KCMF1: variants seen among roughly 807,000 people sequenced by gnomAD.
KCMF1 encodes the protein potassium channel modulatory factor 1, also known as E3 ubiquitin-protein ligase KCMF1.
In KCMF1, 3 loss-of-function variants were observed where a neutral mutation model predicts 41.1. The observed-to-expected ratio is 0.07, with a 90% CI of 0.03 to 0.19. KCMF1 has a LOEUF of 0.19. Ranked by LOEUF, KCMF1 falls within the 10% of genes least tolerant of loss-of-function variation. KCMF1 has a pLI of 1.00. For synonymous variants in KCMF1, 142 were observed against 164.5 expected, an observed-to-expected ratio of 0.86 and a Z score of 1.04; for missense variants, 286 against 488.9, an observed-to-expected ratio of 0.58 and a Z score of 3.91.
chr2:85,052,309 G>A (rs972789619), intron 6 of KCMF1, among the ~76,000 whole-genome samples: 2 of 152,154 alleles, frequency 1.3e-5, no homozygotes, highest in African/African-American at 4.8e-5. Flanking sequence ...GACCTCAGGT[G>A]ATCCGCCCGC....
intron 1 of KCMF1, among the ~76,000 whole-genome samples, chr2:85,018,457 ATG>A: frequency 6.6e-6 from 1 of 151,932 alleles, no homozygotes; most frequent in Non-Finnish European, 1.5e-5. Flanking sequence ...TTTAGTAGAG[ATG>A]GGGTTTTGCC....
chr2:84,976,389 T>C (rs1673545115), intron 1 of KCMF1, among the ~76,000 whole-genome samples: 1 of 151,906 alleles, frequency 6.6e-6, no homozygotes, highest in South Asian at 2.1e-4. Context: ...CTATTTTTAG[T>C]GGAGACAGGT....
intron 3 of KCMF1, among the ~76,000 whole-genome samples, chr2:85,038,461 C>A (rs1675451882): frequency 6.6e-6 from 1 of 152,240 alleles, no homozygotes; most frequent in Admixed American, 6.5e-5. Context: ...ATTCTCCAAG[C>A]AAAACTTGAA....
rs186602893 is a variant in KCMF1 at position 84,988,844 on chromosome 2, A to G, written c.16+17377A>G. ...CATAGCAAATGTGGCTTTGTAGGCC[A>G]CATGGTCTTGATTGCAGTTACTCTA... On this transcript the variant is annotated intron_variant, in intron 1 of 6. Transcript: ENST00000409785. Among the ~76,000 whole-genome samples the G allele has an allele frequency of 7.9e-5, 12 of 152,342 alleles. No individual in the cohort carries two copies. The East Asian group carries it at 2.3e-3, about 29-fold the overall frequency.
At chr2:85,038,989 G>A (rs1675464109) in intron 3 of KCMF1, among the ~76,000 whole-genome samples, 1 of 152,162 alleles carries the variant, frequency 6.6e-6, no homozygotes, top group Admixed American at 6.5e-5. Flanking sequence ...CAAAGTGTTG[G>A]GGTTACAGGC....
At chr2:85,044,899 C>T (rs542365003) in intron 4 of KCMF1, among the ~76,000 whole-genome samples, 5 of 152,316 alleles carry the variant, frequency 3.3e-5, no homozygotes, top group African/African-American at 1.2e-4. Flanking sequence ...CCTACCAGAG[C>T]GATTAATTTT....
At chr2:84,993,188 GAA>G (rs547127154) in intron 1 of KCMF1, among the ~76,000 whole-genome samples, 2 of 119,630 alleles carry the variant, frequency 1.7e-5, no homozygotes, top group Admixed American at 1.7e-4. Flanking sequence ...CCCTGTGTCA[GAA>G]AAAAAAAAAA....
intron 1 of KCMF1, among the ~76,000 whole-genome samples, chr2:84,987,562 A>G (rs573427414): frequency 6.6e-6 from 1 of 152,274 alleles, no homozygotes; most frequent in East Asian, 1.9e-4. Context: ...CTAGGAGGGG[A>G]GAGACAGGAA....
intron 1 of KCMF1, among the ~76,000 whole-genome samples, chr2:84,982,218 G>C (rs1381489701): frequency 2.6e-5 from 4 of 152,016 alleles, no homozygotes; most frequent in Admixed American, 1.3e-4. Flanking sequence ...CTATTGGGGT[G>C]AATAGCTGTA....
intron 2 of KCMF1, among the ~76,000 whole-genome samples, chr2:85,033,441 A>G (rs1291650176): frequency 1.3e-5 from 2 of 152,170 alleles, no homozygotes; most frequent in Non-Finnish European, 2.9e-5. Flanking sequence ...TTAGCTCACA[A>G]TTGTTGAGGC....
intron 1 of KCMF1, among the ~76,000 whole-genome samples, chr2:84,972,529 A>G (rs1402955665): frequency 1.3e-5 from 2 of 152,212 alleles, no homozygotes; most frequent in African/African-American, 2.4e-5. Context: ...TTGTCCTGCT[A>G]AGGTTAATAC....
chr2:84,997,823 A>T (rs11901911), intron 1 of KCMF1, among the ~76,000 whole-genome samples: 17,207 of 131,284 alleles, frequency 0.13, 1,470 homozygotes, highest in East Asian at 0.37. Flanking sequence ...CAGGCTGGAG[A>T]GCAGCGGTGC....
chr2:85,051,545 G>A (rs1406078973), intron 6 of KCMF1, among the ~76,000 whole-genome samples: 1 of 151,998 alleles, frequency 6.6e-6, no homozygotes, highest in Non-Finnish European at 1.5e-5. Flanking sequence ...GCTGTCTGTG[G>A]ATTCTGGTTG....
At chr2:85,013,274 G>T (rs1336225567) in intron 1 of KCMF1, among the ~76,000 whole-genome samples, 1 of 152,134 alleles carries the variant, frequency 6.6e-6, no homozygotes, top group Non-Finnish European at 1.5e-5. Flanking sequence ...ATGAGAAATG[G>T]TCTTAAAATA....
intron 1 of KCMF1, among the ~76,000 whole-genome samples, chr2:85,023,059 T>C (rs1035170009): frequency 1.3e-5 from 2 of 151,384 alleles, no homozygotes; most frequent in Non-Finnish European, 2.9e-5. Context: ...GGCTAATTTT[T>C]TGTATTTTTA....
In KCMF1 at chr2:85,021,152, A is replaced by T. The variant is rs115303125; in HGVS notation, c.17-6737A>T. Among the ~76,000 whole-genome samples the T allele has an allele frequency of 3.2e-3, 489 of 152,202 alleles. 1 individual carries two copies. The highest frequency in any genetic ancestry group is 5.8e-3 in the Non-Finnish European group (393 of 68,018). On this transcript the variant is annotated intron_variant, in intron 1 of 6. Coordinates refer to ENST00000409785, the MANE Select transcript of KCMF1 (RefSeq NM_020122.5). ...AAACATATTACATATTAGATAATCGATATTTGTTGAATTTGCTGAAAAATT... is the reference window on the plus strand; with the variant it reads ...AAACATATTACATATTAGATAATCGTTATTTGTTGAATTTGCTGAAAAATT...
At chr2:85,029,509 G>A (rs1366404061) in intron 2 of KCMF1, among the ~76,000 whole-genome samples, 1 of 151,082 alleles carries the variant, frequency 6.6e-6, no homozygotes, top group African/African-American at 2.4e-5. Flanking sequence ...TGAGATGGGA[G>A]GATCACTTGA....
chr2:85,039,661 C>G (rs1398439610), intron 3 of KCMF1, among the ~76,000 whole-genome samples: 1 of 152,052 alleles, frequency 6.6e-6, no homozygotes, highest in Admixed American at 6.6e-5. Flanking sequence ...GGGATGGGAC[C>G]TCATCTCAAT....
intron 1 of KCMF1, chr2:84,971,989 C>T (rs1673409260): frequency 1.3e-5 from 2 of 152,080 alleles, no homozygotes; most frequent in South Asian, 2.1e-4. Flanking sequence ...CGGGCGACCG[C>T]GGGGCTGGCG....
Sources: gnomAD v4.1 joint callset for allele counts (sites outside exome capture counted in the v4.1 genomes callset) on GRCh38, gnomAD v4.1.1 for gene constraint, MANE v1.5 for transcripts, NCBI Gene and HGNC (gene_info 2026-07-23, HGNC 2026-07-21) for gene names.